SLC28A1: variants seen among roughly 807,000 people sequenced by gnomAD.
SLC28A1 encodes solute carrier family 28 member 1, also known as sodium/nucleoside cotransporter 1.
A neutral mutation model predicts 74.8 loss-of-function variants in SLC28A1; 64 were observed. The ratio of observed to expected loss-of-function variants is 0.86; its 90% CI spans 0.70 to 1.05. The LOEUF (loss-of-function observed/expected upper bound fraction) is 1.05. SLC28A1 is among the 50% of genes least tolerant of loss of function. The pLI is 0.00. For missense variants in SLC28A1, 828 were observed against 822.8 expected (o/e 1.01, Z -0.08); for synonymous variants, 359 against 335.0 (o/e 1.07, Z -0.78).
At chr15:84,907,856 G>T (rs938135727) in intron 8 of SLC28A1, among the ~76,000 whole-genome samples, 2 of 152,202 alleles carry the variant, frequency 1.3e-5, no homozygotes, top group African/African-American at 2.4e-5. Context: ...ACTGTACAGG[G>T]TGTGGAGGAA....
chr15:84,889,790 TTTC>T (rs1965143677), intron 4 of SLC28A1, among the ~76,000 whole-genome samples: 1 of 149,892 alleles, frequency 6.7e-6, no homozygotes, highest in African/African-American at 2.5e-5. Context: ...TCCTTCCTTC[TTTC>T]TTTTCTTTTT....
intron 15 of SLC28A1, among the ~76,000 whole-genome samples, chr15:84,941,336 G>A (rs1351469285): frequency 3.3e-5 from 5 of 151,498 alleles, no homozygotes; most frequent in Middle Eastern, 3.2e-3. Flanking sequence ...CTCCCAAGTA[G>A]CTGGGACTAC....
intron 12 of SLC28A1, 105 bp from the exon 13 acceptor site, chr15:84,933,040 A>G: frequency 9.5e-7 from 1 of 1,053,228 alleles, no homozygotes; most frequent in South Asian, 1.3e-5. Flanking sequence ...AGGACATATC[A>G]GTGGGACAGA....
intron 9 of SLC28A1, among the ~76,000 whole-genome samples, chr15:84,915,955 C>A (rs1432175156): frequency 8.6e-5 from 13 of 151,656 alleles, no homozygotes; most frequent in African/African-American, 3.2e-4. Flanking sequence ...TGTTGTTGTT[C>A]TTCTTCTTAT....
chr15:84,970,845 AAAAACAAAAAAC>A, the SLC28A1 span, among the ~76,000 whole-genome samples: 1 of 152,054 alleles, frequency 6.6e-6, no homozygotes, highest in Non-Finnish European at 1.5e-5. Flanking sequence ...AAAAAAAAAC[AAAAACAAAAAAC>A]AAAACAAAAC....
At chr15:84,950,358 CCTT>C (rs2079375611), downstream of SLC28A1, among the ~76,000 whole-genome samples, 1 of 102,884 alleles carries the variant, frequency 9.7e-6, no homozygotes, top group African/African-American at 4.0e-5. Flanking sequence ...TCGCCAGTCT[CCTT>C]TTTTTTTTTT....
At chr15:84,951,710 G>A in the SLC28A1 span, among the ~76,000 whole-genome samples, 1 of 152,056 alleles carries the variant, frequency 6.6e-6, no homozygotes, top group Non-Finnish European at 1.5e-5. Context: ...GGCACTCCTG[G>A]TTCTCTGGTA....
downstream of SLC28A1, among the ~76,000 whole-genome samples, chr15:84,948,215 G>C (rs1010704561): frequency 2.6e-5 from 4 of 152,192 alleles, no homozygotes; most frequent in Non-Finnish European, 5.9e-5. Flanking sequence ...TCAGCTGAAT[G>C]TTAATTAGTC....
At chr15:84,899,910 A>AGAAAGAGGGAAAGAGG (rs1555444945) in intron 6 of SLC28A1, among the ~76,000 whole-genome samples, 1 of 147,456 alleles carries the variant, frequency 6.8e-6, no homozygotes, top group African/African-American at 2.5e-5. Flanking sequence ...AGAAAGAAAG[A>AGAAAGAGGGAAAGAGG]GAAAGAGGGA....
At chr15:84,922,981 G>A (rs1379880904) in intron 11 of SLC28A1, among the ~76,000 whole-genome samples, 1 of 152,182 alleles carries the variant, frequency 6.6e-6, no homozygotes, top group African/African-American at 2.4e-5. Flanking sequence ...CTGTCACCTA[G>A]GCTGGAGCGC....
At chr15:84,928,562 CTT>C (rs1226746759) in intron 12 of SLC28A1, among the ~76,000 whole-genome samples, 4 of 21,962 alleles carry the variant, frequency 1.8e-4, no homozygotes, top group Admixed American at 4.1e-4. Context: ...TTCTTTCTTT[CTT>C]TCTTTCTTTC....
At chr15:84,952,349 A>G in the SLC28A1 span, among the ~76,000 whole-genome samples, 2 of 152,164 alleles carry the variant, frequency 1.3e-5, no homozygotes, top group South Asian at 4.1e-4. Context: ...ATCTACAAGT[A>G]AGAAGGCAGT....
chr15:84,915,060 G>T (rs886128509), intron 9 of SLC28A1, among the ~76,000 whole-genome samples: 4 of 152,150 alleles, frequency 2.6e-5, no homozygotes, highest in African/African-American at 4.8e-5. Flanking sequence ...CTGCCCTGCA[G>T]TCCCTCTCAG....
downstream of SLC28A1, among the ~76,000 whole-genome samples, chr15:84,947,432 G>A (rs2079271000): frequency 2.0e-5 from 3 of 152,348 alleles, no homozygotes; most frequent in South Asian, 2.1e-4. Flanking sequence ...CTCCCTGCAC[G>A]CTCATTCTGT....
intron 8 of SLC28A1, among the ~76,000 whole-genome samples, chr15:84,906,088 T>G (rs1451505765): frequency 2.0e-5 from 3 of 150,950 alleles, no homozygotes; most frequent in Non-Finnish European, 1.5e-5. Context: ...GGTGCAATCT[T>G]GGCTTGCTGC....
intron 12 of SLC28A1, among the ~76,000 whole-genome samples, chr15:84,931,859 G>A (rs980945436): frequency 2.6e-5 from 4 of 151,754 alleles, no homozygotes; most frequent in East Asian, 1.9e-4. Flanking sequence ...AAAATTAGCC[G>A]GGCGTGGTGG....
At chr15:84,903,599 C>T (rs944627962) in intron 6 of SLC28A1, among the ~76,000 whole-genome samples, 1 of 152,148 alleles carries the variant, frequency 6.6e-6, no homozygotes, top group Admixed American at 6.6e-5. Context: ...GGATCCGTTC[C>T]TTGGTCTCAG....
chr15:84,945,338 G>C lies in SLC28A1; in HGVS notation c.*138G>C. ...CCCAGCTCAATCCCACAATTGGGAAGGGTTCATGGAGTGAGTGTGCAGAGA... is the reference window on the plus strand; with the variant it reads ...CCCAGCTCAATCCCACAATTGGGAACGGTTCATGGAGTGAGTGTGCAGAGA... On this transcript the variant is annotated 3_prime_UTR_variant, in exon 19 of 19. Transcript: ENST00000394573. 3 of 774,790 alleles carry C rather than the reference G, an allele frequency of 3.9e-6. No homozygotes were observed. The highest frequency in any genetic ancestry group is 6.8e-6 in the Non-Finnish European group (3 of 438,558). The allele number at this position is 774,790 out of a possible 1,614,324, so 48.0% of individuals were successfully genotyped here.
the SLC28A1 span, among the ~76,000 whole-genome samples, chr15:84,959,913 A>C: frequency 3.9e-5 from 6 of 152,318 alleles, no homozygotes; most frequent in East Asian, 9.6e-4. Context: ...TTGCTTAAAC[A>C]CTGAGGAGTT....
Sources: gnomAD v4.1 joint callset for allele counts (sites outside exome capture counted in the v4.1 genomes callset) on GRCh38, gnomAD v4.1.1 for gene constraint, MANE v1.5 for transcripts, NCBI Gene and HGNC (gene_info 2026-07-23, HGNC 2026-07-21) for gene names.